The following ESR1 variants were observed in gnomAD, a reference collection of about 807,000 sequenced individuals.
ESR1 encodes estrogen receptor 1, also known as estrogen receptor.
In ESR1, 12 loss-of-function variants were observed where a neutral mutation model predicts 52.7. The ratio of observed to expected loss-of-function variants is 0.23; its 90% confidence interval spans 0.15 to 0.37. The LOEUF is 0.37. ESR1 is among the 10% of genes least tolerant of loss of function. ESR1 has a pLI of 1.00. For missense variants in ESR1, 584 were observed against 779.7 expected (o/e 0.75, Z 2.99); for synonymous variants, 305 against 316.8 (o/e 0.96, Z 0.39).
At chr6:151,672,496 C>T (rs1778100305) in intron 1 of ESR1, among the ~76,000 whole-genome samples, 1 of 152,204 alleles carries the variant, frequency 6.6e-6, no homozygotes, top group East Asian at 2.0e-4. Flanking sequence ...GCCACCGTGC[C>T]CAGCTAATTT....
In ESR1 at chr6:151,991,008, A is replaced by G. The variant is rs1584691363; in HGVS notation, c.1097-20648A>G. ...CAAATCCACACAATACCACCAGGAG[A>G]AAGTCTAGGAACCATACCTTCTAAA... is the stretch of plus-strand genomic sequence containing the variant. On this transcript the variant is annotated intron_variant, in intron 4 of 7. Coordinates refer to ENST00000206249, the MANE Select transcript of ESR1 (RefSeq NM_000125.4). 1.3e-5 allele frequency among the ~76,000 whole-genome samples: 2 copies of G among 152,334 alleles called. 1 individual carries two copies. The highest frequency in any genetic ancestry group is 4.1e-4 in the South Asian group (2 of 4,828).
At chr6:151,792,503 A>G (rs1776265869) in intron 2 of ESR1, among the ~76,000 whole-genome samples, 1 of 152,028 alleles carries the variant, frequency 6.6e-6, no homozygotes. Context: ...GCAGTGGCAC[A>G]ATCATAGTTC....
rs199933206 is a variant in ESR1, at chr6:152,086,405, AAAT to A, written c.1370-7975_1370-7973del. On this transcript the variant is annotated intron_variant, in intron 6 of 7. Transcript: ENST00000206249. ...ATAAATACTTAATATTTATTTAAAT[AAAT>A]AATATTTATTTTATTATTAATAATT... Among the ~76,000 whole-genome samples, 381 of 148,166 alleles carry A rather than the reference AAAT, an allele frequency of 2.6e-3. 3 individuals carry two copies. Among genetic ancestry groups the A allele is most frequent in the African/African-American group, 8.8e-3 (361 of 40,810 alleles).
chr6:152,059,754 T>G (rs967725921), intron 5 of ESR1, among the ~76,000 whole-genome samples: 1 of 152,134 alleles, frequency 6.6e-6, no homozygotes, highest in East Asian at 1.9e-4. Context: ...TCCAAAGACA[T>G]AAACATAAGG....
At chr6:151,758,967 A>G (rs1428531039) in intron 2 of ESR1, among the ~76,000 whole-genome samples, 1 of 151,664 alleles carries the variant, frequency 6.6e-6, no homozygotes, top group Non-Finnish European at 1.5e-5. Flanking sequence ...CTCAAAATCT[A>G]CTACATGGTC....
chr6:151,686,932 C>CTGGCTATGTGTTATCA (rs1458651887), upstream of ESR1, among the ~76,000 whole-genome samples: 3 of 152,178 alleles, frequency 2.0e-5, no homozygotes, highest in Non-Finnish European at 4.4e-5. Flanking sequence ...GCTCATGGGT[C>CTGGCTATGTGTTATCA]CAGAGCCCCC....
intron 1 of ESR1, among the ~76,000 whole-genome samples, chr6:151,670,762 G>GTTTTTTTTTTTTTTTTTT (rs35606990): frequency 1.2e-5 from 1 of 85,782 alleles, no homozygotes; most frequent in African/African-American, 4.9e-5. Context: ...TTTTGTTTTC[G>GTTTTTTTTTTTTTTTTTT]TTTTTTTTTT....
chr6:151,860,624 A>G (rs976425609), intron 2 of ESR1, among the ~76,000 whole-genome samples: 2 of 152,214 alleles, frequency 1.3e-5, no homozygotes, highest in African/African-American at 2.4e-5. Flanking sequence ...ACATCCTGCC[A>G]TTTGCAACAA....
intron 5 of ESR1, among the ~76,000 whole-genome samples, chr6:152,019,105 A>C (rs1334615134): frequency 4.6e-5 from 7 of 152,240 alleles, no homozygotes; most frequent in Non-Finnish European, 1.0e-4. Flanking sequence ...GTTTAGGAGA[A>C]AAACTGAGAC....
intron 1 of ESR1, among the ~76,000 whole-genome samples, chr6:151,819,460 C>A (rs1225491240): frequency 1.3e-5 from 2 of 152,178 alleles, no homozygotes; most frequent in East Asian, 3.9e-4. Flanking sequence ...CCATCGCTTG[C>A]ATTATGCCTG....
At chr6:151,915,156 T>A (rs759090177) in intron 3 of ESR1, among the ~76,000 whole-genome samples, 8 of 151,530 alleles carry the variant, frequency 5.3e-5, no homozygotes, top group Non-Finnish European at 8.8e-5. Context: ...GATCATGCCA[T>A]TGCACTCCAG....
chr6:151,732,834 G>A (rs1027615703), intron 2 of ESR1, among the ~76,000 whole-genome samples: 1 of 152,098 alleles, frequency 6.6e-6, no homozygotes, highest in African/African-American at 2.4e-5. Context: ...TATTGAAATT[G>A]AGAGAGATGG....
intron 2 of ESR1, among the ~76,000 whole-genome samples, chr6:151,703,446 T>C (rs1170804240): frequency 6.6e-6 from 1 of 152,084 alleles, no homozygotes; most frequent in Admixed American, 6.5e-5. Flanking sequence ...GGCTTAGGAA[T>C]TTTAAACAGT....
At chr6:151,973,518 T>G (rs2039123088) in intron 4 of ESR1, among the ~76,000 whole-genome samples, 1 of 152,164 alleles carries the variant, frequency 6.6e-6, no homozygotes, top group Non-Finnish European at 1.5e-5. Flanking sequence ...AGGCTGAGTG[T>G]TTTGGAAACA....
upstream of ESR1, chr6:151,804,786 G>T (rs923306505): frequency 2.6e-5 from 4 of 152,150 alleles, no homozygotes; most frequent in African/African-American, 9.7e-5. Context: ...CTAATGTCTG[G>T]CAACAAAGCC....
chr6:151,994,541 G>C (rs192540717), intron 4 of ESR1, among the ~76,000 whole-genome samples: 2 of 152,264 alleles, frequency 1.3e-5, no homozygotes, highest in Admixed American at 6.5e-5. Flanking sequence ...AGGGTGAGCT[G>C]ATGCCCTAAT....
intron 3 of ESR1, among the ~76,000 whole-genome samples, chr6:151,888,001 T>A (rs1794137399): frequency 6.6e-6 from 1 of 152,208 alleles, no homozygotes; most frequent in Non-Finnish European, 1.5e-5. Flanking sequence ...TGGCTCTAAA[T>A]GAATGAATTT....
chr6:152,064,433 G>T (rs72993651), intron 6 of ESR1, among the ~76,000 whole-genome samples: 4,477 of 152,276 alleles, frequency 0.029, 89 homozygotes, highest in Non-Finnish European at 0.043. Flanking sequence ...CCTTATTCGG[G>T]AAGTTTTGCG....
intron 5 of ESR1, among the ~76,000 whole-genome samples, chr6:152,029,610 G>T (rs1369817348): frequency 1.3e-5 from 2 of 152,158 alleles, no homozygotes; most frequent in Admixed American, 1.3e-4. Context: ...AAAAAGAAAT[G>T]AACAAAGCCT....
Sources: allele counts gnomAD v4.1 joint callset (sites outside exome capture counted in the v4.1 genomes callset), GRCh38; gene constraint gnomAD v4.1.1; transcripts MANE v1.5; gene names NCBI Gene and HGNC (gene_info 2026-07-23, HGNC 2026-07-21).